The following BLTP1 variants were observed in gnomAD, a reference collection of about 807,000 sequenced individuals.
BLTP1 encodes bridge-like lipid transfer protein family member 1, also known as fragile site-associated protein.
At chr4:122,214,451 A>G in the BLTP1 span, 1 of 960,160 alleles carries the variant, frequency 1.0e-6, no homozygotes, top group Non-Finnish European at 1.2e-6. Context: ...TTAAGCTTAC[A>G]TGCCATCTAT....
the BLTP1 span, among the ~76,000 whole-genome samples, chr4:122,270,695 A>C: frequency 6.6e-6 from 1 of 152,220 alleles, no homozygotes; most frequent in South Asian, 2.1e-4. Context: ...ACTTAACTCT[A>C]AATTCCAATA....
At chr4:122,280,019 A>T in the BLTP1 span, 1 of 1,612,318 alleles carries the variant, frequency 6.2e-7, no homozygotes, top group Non-Finnish European at 8.5e-7. Flanking sequence ...GTGATTCCAT[A>T]TACTACCTCA....
At chr4:122,269,408 A>T in the BLTP1 span, 1 of 985,250 alleles carries the variant, frequency 1.0e-6, no homozygotes, top group African/African-American at 1.7e-5. Flanking sequence ...TCTTTGAGTG[A>T]TTCTGTGAAC....
chr4:122,271,119 C>T, the BLTP1 span: 1 of 1,613,942 alleles, frequency 6.2e-7, no homozygotes, highest in Non-Finnish European at 8.5e-7. Flanking sequence ...GTGTGCACCC[C>T]TCAGAACTCT....
At chr4:122,259,015 T>A in the BLTP1 span, among the ~76,000 whole-genome samples, 2 of 152,180 alleles carry the variant, frequency 1.3e-5, no homozygotes, top group Admixed American at 1.3e-4. Flanking sequence ...AATTGTATCA[T>A]CAGTAACTGC....
At chr4:122,182,455 C>T in the BLTP1 span, among the ~76,000 whole-genome samples, 4 of 152,156 alleles carry the variant, frequency 2.6e-5, no homozygotes, top group African/African-American at 9.7e-5. Flanking sequence ...TTTACCACCA[C>T]CAAATTGAAT....
chr4:122,319,882 T>C, the BLTP1 span, among the ~76,000 whole-genome samples: 8 of 152,036 alleles, frequency 5.3e-5, no homozygotes, highest in African/African-American at 1.9e-4. Flanking sequence ...TGCTTTTTGG[T>C]CCAGAATGTG....
At chr4:122,319,539 A>ATTTTTTTTTTTTTTTTTTTTTTTTTATTT in the BLTP1 span, among the ~76,000 whole-genome samples, 1 of 131,682 alleles carries the variant, frequency 7.6e-6, no homozygotes. Flanking sequence ...ATGATTTATA[A>ATTTTTTTTTTTTTTTTTTTTTTTTTATTT]TTTTTTTTTT....
At chr4:122,325,307 A>C in the BLTP1 span, 2 of 1,608,124 alleles carry the variant, frequency 1.2e-6, no homozygotes, top group Non-Finnish European at 8.5e-7. Flanking sequence ...GTAACTTTTA[A>C]TATCCAGGAT....
chr4:122,300,020 T>G, the BLTP1 span: 1 of 848,858 alleles, frequency 1.2e-6, no homozygotes, highest in Non-Finnish European at 1.4e-6. Flanking sequence ...TATTTTTTTA[T>G]TTTGTTTTTG....
chr4:122,238,435 T>G, the BLTP1 span: 1 of 1,044,752 alleles, frequency 9.6e-7, no homozygotes, highest in Non-Finnish European at 1.4e-6. Context: ...TTCTTCCCTC[T>G]CCACTCCCCC....
the BLTP1 span, chr4:122,197,145 A>T: frequency 1.2e-6 from 1 of 824,068 alleles, no homozygotes; most frequent in Admixed American, 2.7e-5. Context: ...TAAAGATGGG[A>T]GAATAATTAT....
the BLTP1 span, chr4:122,263,279 T>C: frequency 1.0e-6 from 1 of 983,430 alleles, no homozygotes; most frequent in Non-Finnish European, 1.2e-6. Context: ...ATAAGCTATT[T>C]ATTAATGCAT....
chr4:122,189,509 A>G, the BLTP1 span: 6 of 833,950 alleles, frequency 7.2e-6, no homozygotes, highest in Non-Finnish European at 8.7e-6. Flanking sequence ...TTATTATTTA[A>G]TGTTTTTGAA....
chr4:122,268,306 C>CCTT, the BLTP1 span, among the ~76,000 whole-genome samples: 9,754 of 152,152 alleles, frequency 0.064, 879 homozygotes, highest in African/African-American at 0.2. Context: ...ATGGTCCTGT[C>CCTT]CTTATGATAT....
the BLTP1 span, chr4:122,289,118 A>G: frequency 6.2e-7 from 1 of 1,609,378 alleles, no homozygotes; most frequent in Admixed American, 1.7e-5. Flanking sequence ...CTTACAACTG[A>G]TCTTCTAAAC....
the BLTP1 span, chr4:122,251,329 T>C: frequency 2.0e-6 from 2 of 982,912 alleles, no homozygotes; most frequent in African/African-American, 3.5e-5. Flanking sequence ...ATTAGGCCAA[T>C]TGGAGAGGAA....
At chr4:122,238,047 T>C in the BLTP1 span, 1 of 1,584,196 alleles carries the variant, frequency 6.3e-7, no homozygotes, top group South Asian at 1.1e-5. Flanking sequence ...TATAAACTGC[T>C]GTTGAGATTT....
At chr4:122,183,837 A>G in the BLTP1 span, among the ~76,000 whole-genome samples, 2 of 152,074 alleles carry the variant, frequency 1.3e-5, no homozygotes, top group East Asian at 1.9e-4. Context: ...CTGTCCCCCT[A>G]CAGCTTTATT....
Sources: allele counts gnomAD v4.1 joint callset (sites outside exome capture counted in the v4.1 genomes callset), GRCh38; gene constraint gnomAD v4.1.1; transcripts MANE v1.5; gene names NCBI Gene and HGNC (gene_info 2026-07-23, HGNC 2026-07-21).